IMPA1: variants seen among roughly 807,000 people sequenced by gnomAD.
The protein encoded by IMPA1 is D-galactose 1-phosphate phosphatase.
Under a neutral mutation model 34.9 loss-of-function variants are expected in IMPA1, and 21 were observed. That is an observed-to-expected ratio of 0.60 (90% confidence interval 0.43 to 0.87). The LOEUF is 0.87. Ranked by LOEUF, IMPA1 falls within the 40% of genes least tolerant of loss-of-function variation. The pLI, the probability that IMPA1 is intolerant of heterozygous loss-of-function variation, is 0.00. For missense variants in IMPA1, 299 were observed against 336.4 expected, an observed-to-expected ratio of 0.89 and a Z score of 0.87; for synonymous variants, 95 against 104.4, an observed-to-expected ratio of 0.91 and a Z score of 0.55.
chr8:81,674,994 A>C (rs1232905591), intron 5 of IMPA1, among the ~76,000 whole-genome samples: 1 of 152,178 alleles, frequency 6.6e-6, no homozygotes, highest in Non-Finnish European at 1.5e-5. Flanking sequence ...ACCCCAGTAT[A>C]ATCTCTACAT....
intron 4 of IMPA1, among the ~76,000 whole-genome samples, chr8:81,678,325 A>G (rs1299473981): frequency 6.6e-6 from 1 of 152,202 alleles, no homozygotes; most frequent in Admixed American, 6.5e-5. Flanking sequence ...GAGTGACTTC[A>G]TTAGTTTTAC....
At chr8:81,677,468 C>T (rs898574452) in intron 4 of IMPA1, among the ~76,000 whole-genome samples, 6 of 152,190 alleles carry the variant, frequency 3.9e-5, no homozygotes, top group Admixed American at 2.6e-4. Context: ...ATGGCTGTTA[C>T]TTGTCTCTAC....
At chr8:81,685,293 T>C in intron 1 of IMPA1, among the ~76,000 whole-genome samples, 1 of 135,812 alleles carries the variant, frequency 7.4e-6, no homozygotes, top group Admixed American at 7.7e-5. Context: ...ATAGTATATA[T>C]ACTATACATA....
At chr8:81,671,593 C>T (rs1806989796) in intron 6 of IMPA1, among the ~76,000 whole-genome samples, 1 of 152,140 alleles carries the variant, frequency 6.6e-6, no homozygotes, top group African/African-American at 2.4e-5. Context: ...TGTTGTACTA[C>T]ATTTAATAGT....
At chr8:81,668,816 G>A (rs1001659735) in intron 7 of IMPA1, among the ~76,000 whole-genome samples, 23 of 152,238 alleles carry the variant, frequency 1.5e-4, no homozygotes, top group African/African-American at 5.5e-4. Context: ...AGATCTTCAA[G>A]GCTGCCCCTC....
At chr8:81,672,612 A>T (rs1807017945) in intron 6 of IMPA1, among the ~76,000 whole-genome samples, 1 of 152,182 alleles carries the variant, frequency 6.6e-6, no homozygotes, top group Non-Finnish European at 1.5e-5. Context: ...AGCCTCTGCT[A>T]AGTTCTCTGG....
At chr8:81,681,877 A>T (rs1807309852) in intron 1 of IMPA1, among the ~76,000 whole-genome samples, 1 of 152,212 alleles carries the variant, frequency 6.6e-6, no homozygotes, top group African/African-American at 2.4e-5. Flanking sequence ...ATAAGAAACA[A>T]CACAAGAAAT....
Position 81,657,729 on chromosome 8 carries a change from T to A in IMPA1, c.*1622A>T, listed in dbSNP as rs76257194. On this transcript the variant is annotated 3_prime_UTR_variant, in exon 9 of 9. Coordinates refer to ENST00000256108, the MANE Select transcript of IMPA1 (RefSeq NM_005536.4). ...GCCTGGAAAACATAGGAAGATCCCA[T>A]CTTTACAAAAATAAAATTAAAACAT... 2.6e-5 allele frequency among the ~76,000 whole-genome samples: 4 copies of A among 151,876 alleles called. No individual in the cohort carries two copies. Among genetic ancestry groups the A allele is most frequent in the African/African-American group, 4.8e-5 (2 of 41,334 alleles).
At chr8:81,667,222 T>A (rs1263208605) in intron 7 of IMPA1, among the ~76,000 whole-genome samples, 1 of 152,132 alleles carries the variant, frequency 6.6e-6, no homozygotes, top group Non-Finnish European at 1.5e-5. Context: ...ATATGAAACT[T>A]ACAAAAATTG....
chr8:81,677,810 G>T (rs1390910321), intron 4 of IMPA1, among the ~76,000 whole-genome samples: 1 of 152,092 alleles, frequency 6.6e-6, no homozygotes, highest in African/African-American at 2.4e-5. Flanking sequence ...CCTTAGCTTT[G>T]TAGATTTCAA....
Position 81,679,175 on chromosome 8 carries a change from G to T in IMPA1, c.253C>A (p.Pro85Thr), listed in dbSNP as rs752662440. 5.0e-6 allele frequency: 8 copies of T among 1,613,964 alleles called. No homozygotes were observed. The highest frequency in any genetic ancestry group is 2.2e-5 in the East Asian group (1 of 44,878). Reference protein sequence around the residue: ...AGEKSILTDNPTWIIDPIDGT... With the variant: ...AGEKSILTDNTTWIIDPIDGT... ...TCAATAGGGTCAATGATCCATGTGG[G>T]GTTGTCGGTTAAGATACTTTTTTCC... The change falls in exon 4 of 9, where the codon CCC becomes ACC. Residue 85 changes from proline (P) to threonine (T), a missense_variant. Physicochemically the swap from Pro to Thr is conservative, Grantham distance 38. Transcript: ENST00000256108.
At chr8:81,666,909 A>T (rs907544082) in intron 7 of IMPA1, among the ~76,000 whole-genome samples, 6 of 150,950 alleles carry the variant, frequency 4.0e-5, no homozygotes, top group African/African-American at 1.5e-4. Flanking sequence ...AGGAATTGCA[A>T]TTCTGATGTC....
At chr8:81,679,545 G>A (rs553264523) in intron 3 of IMPA1, among the ~76,000 whole-genome samples, 21 of 151,848 alleles carry the variant, frequency 1.4e-4, no homozygotes, top group Admixed American at 6.6e-4. Flanking sequence ...CCTGGTAGGC[G>A]GAGGTTGCAG....
chr8:81,666,025 T>A (rs1159417245), intron 7 of IMPA1, among the ~76,000 whole-genome samples: 1 of 152,174 alleles, frequency 6.6e-6, no homozygotes, highest in Non-Finnish European at 1.5e-5. Flanking sequence ...CATTTTATAA[T>A]GTTAAATGAA....
chr8:81,682,610 C>T (rs1807333451), intron 1 of IMPA1, among the ~76,000 whole-genome samples: 12 of 152,144 alleles, frequency 7.9e-5, no homozygotes, highest in Admixed American at 2.6e-4. Flanking sequence ...CTCCTTCAAG[C>T]TCTTCAAGAA....
chr8:81,659,918 A>T (rs1441424210), intron 8 of IMPA1, among the ~76,000 whole-genome samples: 3 of 152,192 alleles, frequency 2.0e-5, no homozygotes, highest in Admixed American at 2.0e-4. Context: ...TCTAGTCTCA[A>T]CACAGAAAGT....
rs1165061427 is a variant in IMPA1, at chr8:81,658,905, A to G, written c.*446T>C. The G allele has an allele frequency of 6.4e-6, 1 of 155,814 alleles. No individual in the cohort carries two copies. The highest frequency in any genetic ancestry group is 2.4e-5 in the African/African-American group (1 of 41,490). 9.7% of individuals were successfully genotyped at this position (155,814 alleles called of 1,614,324 possible). A position where few individuals can be genotyped will look rare whatever the true frequency, so the allele number is the denominator to read the frequency against. On this transcript the variant is annotated 3_prime_UTR_variant, in exon 9 of 9. Coordinates refer to ENST00000256108, the MANE Select transcript of IMPA1 (RefSeq NM_005536.4). ...AAAAGGTTCTCTGCAAAGAAAAAAAAGTTGGCCTAGGGTACTCAGTATATC... is the reference window on the plus strand; with the variant it reads ...AAAAGGTTCTCTGCAAAGAAAAAAAGGTTGGCCTAGGGTACTCAGTATATC...
chr8:81,666,081 TA>T (rs1563582108), intron 7 of IMPA1, among the ~76,000 whole-genome samples: 5 of 152,110 alleles, frequency 3.3e-5, no homozygotes, highest in Admixed American at 1.3e-4. Context: ...AATATGTAAA[TA>T]TAATATGTTC....
At chr8:81,681,688 C>G in intron 1 of IMPA1, 104 bp from the exon 2 acceptor site, 1 of 682,240 alleles carries the variant, frequency 1.5e-6, no homozygotes, top group Non-Finnish European at 2.6e-6. Context: ...GATTCACCCC[C>G]TGCCCTAGAG....
Sources: gnomAD v4.1 joint callset for allele counts (sites outside exome capture counted in the v4.1 genomes callset) on GRCh38, gnomAD v4.1.1 for gene constraint, MANE v1.5 for transcripts, NCBI Gene and HGNC (gene_info 2026-07-23, HGNC 2026-07-21) for gene names.